PRKN: variants seen among roughly 807,000 people sequenced by gnomAD.
PRKN encodes the protein E3 ubiquitin-protein ligase parkin.
Under a neutral mutation model 59.5 loss-of-function variants are expected in PRKN, and 56 were observed. The observed-to-expected ratio is 0.94, with a 90% CI of 0.76 to 1.18. The LOEUF is 1.18. PRKN is among the 50% of genes most tolerant of loss of function. The pLI, the probability that PRKN is intolerant of heterozygous loss-of-function variation, is 0.00. For synonymous variants in PRKN, 250 were observed against 222.1 expected, an observed-to-expected ratio of 1.13 and a Z score of -1.12; for missense variants, 657 against 596.4, an observed-to-expected ratio of 1.10 and a Z score of -1.06.
chr6:162,688,362 G>A (rs1777645522), intron 1 of PRKN, among the ~76,000 whole-genome samples: 1 of 152,126 alleles, frequency 6.6e-6, no homozygotes, highest in South Asian at 2.1e-4. Context: ...CATCTAGATG[G>A]TGAGAACATG....
intron 4 of PRKN, among the ~76,000 whole-genome samples, chr6:162,163,720 C>T (rs767291478): frequency 3.4e-5 from 5 of 149,018 alleles, no homozygotes; most frequent in Non-Finnish European, 7.4e-5. Context: ...AGCAAAGTTC[C>T]GTCCAACAGG....
intron 6 of PRKN, among the ~76,000 whole-genome samples, chr6:161,953,981 A>G (rs1780079207): frequency 6.6e-6 from 1 of 152,132 alleles, no homozygotes; most frequent in South Asian, 2.1e-4. Flanking sequence ...CTCTTCCCAC[A>G]TAAGTCTTGG....
chr6:161,627,918 G>T (rs1361236838), intron 7 of PRKN, among the ~76,000 whole-genome samples: 1 of 152,196 alleles, frequency 6.6e-6, no homozygotes, highest in Non-Finnish European at 1.5e-5. Context: ...ATGTCTCTGA[G>T]AATTTACACT....
chr6:161,788,681 A>C (rs1790521425), intron 6 of PRKN, among the ~76,000 whole-genome samples: 2 of 152,368 alleles, frequency 1.3e-5, no homozygotes, highest in East Asian at 3.9e-4. Flanking sequence ...ACAGAGACTC[A>C]TGTAACTCCC....
intron 2 of PRKN, among the ~76,000 whole-genome samples, chr6:162,264,130 AG>A (rs1212205033): frequency 6.6e-6 from 1 of 151,876 alleles, no homozygotes; most frequent in Non-Finnish European, 1.5e-5. Flanking sequence ...AAAAAAAATT[AG>A]CCGGCTTTGG....
intron 1 of PRKN, among the ~76,000 whole-genome samples, chr6:162,691,686 T>C (rs1286233081): frequency 1.3e-5 from 2 of 152,188 alleles, no homozygotes; most frequent in Non-Finnish European, 2.9e-5. Flanking sequence ...GTTAATGACA[T>C]ACTTCTCATA....
At chr6:162,668,331 T>C (rs942261658) in intron 1 of PRKN, among the ~76,000 whole-genome samples, 9 of 152,184 alleles carry the variant, frequency 5.9e-5, no homozygotes, top group East Asian at 5.8e-4. Context: ...CATCTAGTAA[T>C]AGTCCAACAT....
At chr6:162,441,307 A>G (rs1036420125) in intron 2 of PRKN, among the ~76,000 whole-genome samples, 1 of 152,144 alleles carries the variant, frequency 6.6e-6, no homozygotes, top group African/African-American at 2.4e-5. Flanking sequence ...AATATAGCCC[A>G]TATTTTATTT....
At chr6:161,946,861 T>C (rs1056799058) in intron 6 of PRKN, among the ~76,000 whole-genome samples, 2 of 152,212 alleles carry the variant, frequency 1.3e-5, no homozygotes, top group African/African-American at 4.8e-5. Context: ...GCCGTTGTGA[T>C]AAATCAAGTA....
intron 8 of PRKN, among the ~76,000 whole-genome samples, chr6:161,555,391 G>A (rs1780196382): frequency 6.6e-6 from 1 of 150,712 alleles, no homozygotes; most frequent in South Asian, 2.1e-4. Context: ...CTTCTTTTCT[G>A]TTAGAGTTTT....
intron 2 of PRKN, among the ~76,000 whole-genome samples, chr6:162,276,798 A>T (rs1780657081): frequency 6.6e-6 from 1 of 152,034 alleles, no homozygotes; most frequent in Non-Finnish European, 1.5e-5. Context: ...CCCTACAATT[A>T]ATTCTACAGT....
At chr6:162,073,934 C>A (rs1487660747) in intron 4 of PRKN, among the ~76,000 whole-genome samples, 6 of 152,012 alleles carry the variant, frequency 3.9e-5, no homozygotes, top group African/African-American at 1.5e-4. Flanking sequence ...CAATGAGATA[C>A]CATCTCACAC....
At chr6:161,532,600 A>C in intron 9 of PRKN, among the ~76,000 whole-genome samples, 1 of 152,032 alleles carries the variant, frequency 6.6e-6, no homozygotes, top group East Asian at 1.9e-4. Context: ...GGGTTTTTTT[A>C]CTTGCTTTTG....
At chr6:162,469,346 T>G (rs61526503) in intron 1 of PRKN, among the ~76,000 whole-genome samples, 95,475 of 113,230 alleles carry the variant, frequency 0.84, 39,519 homozygotes, top group African/African-American at 0.95. Flanking sequence ...AGTGGGGGGG[T>G]TGCAGGGGGG....
At chr6:161,829,517 A>G (rs1792390573) in intron 6 of PRKN, among the ~76,000 whole-genome samples, 1 of 152,110 alleles carries the variant, frequency 6.6e-6, no homozygotes, top group African/African-American at 2.4e-5. Flanking sequence ...GTTATGTCAG[A>G]CTGACATGAA....
At position 161,456,700 on chromosome 6, in the gene PRKN, G is replaced by A. The variant is rs1266545953; in HGVS notation, c.1084-69823C>T. The stretch of plus-strand genomic sequence containing the variant: ...GGGCACTGAACTGTACCAAAAGAAA[G>A]CTGCTCTTTGGGTTTGCGAATGCTG... On this transcript the variant is annotated intron_variant, in intron 9 of 11. Coordinates refer to ENST00000366898, the MANE Select transcript of PRKN (RefSeq NM_004562.3). The surrounding 1 kb of genome is among the most constrained non-coding windows in gnomAD (Gnocchi z 4.8). 6.6e-6 allele frequency among the ~76,000 whole-genome samples: 1 copy of A among 152,188 alleles called. No homozygotes were observed. Among genetic ancestry groups the A allele is most frequent in the South Asian group, 2.1e-4 (1 of 4,830 alleles).
At chr6:162,708,286 T>C (rs1159920183) in intron 1 of PRKN, among the ~76,000 whole-genome samples, 1 of 152,208 alleles carries the variant, frequency 6.6e-6, no homozygotes, top group Admixed American at 6.5e-5. Context: ...TAGACATATA[T>C]GCTAGGAACT....
intron 6 of PRKN, among the ~76,000 whole-genome samples, chr6:161,809,555 C>G (rs763973544): frequency 2.0e-5 from 3 of 152,096 alleles, no homozygotes; most frequent in Non-Finnish European, 4.4e-5. Flanking sequence ...TCCTGCGTAG[C>G]GAACTTTTTT....
At chr6:161,975,510 T>C (rs1373357944) in intron 5 of PRKN, among the ~76,000 whole-genome samples, 1 of 152,238 alleles carries the variant, frequency 6.6e-6, no homozygotes, top group Non-Finnish European at 1.5e-5. Flanking sequence ...ATTTGATTTC[T>C]TCTTTTCCTG....
Sources: allele counts gnomAD v4.1 joint callset (sites outside exome capture counted in the v4.1 genomes callset), GRCh38; gene constraint gnomAD v4.1.1; non-coding constraint Gnocchi (gnomAD v3.1); transcripts MANE v1.5; gene names NCBI Gene and HGNC (gene_info 2026-07-23, HGNC 2026-07-21).